The following SYNPO2 variants were observed in gnomAD, a reference collection of about 807,000 sequenced individuals.
SYNPO2 encodes synaptopodin-2.
A neutral mutation model predicts 85.0 loss-of-function variants in SYNPO2; 56 were observed. The ratio of observed to expected loss-of-function variants is 0.66; its 90% CI spans 0.53 to 0.82. SYNPO2 has a LOEUF of 0.82. Among genes scored for constraint, SYNPO2 ranks in the 40% least tolerant of loss-of-function variants. SYNPO2 has a pLI of 0.00. For missense variants in SYNPO2, 1,575 were observed against 1,534.2 expected, an observed-to-expected ratio of 1.03 and a Z score of -0.44; for synonymous variants, 602 against 591.1, an observed-to-expected ratio of 1.02 and a Z score of -0.27.
At chr4:119,046,787 A>G (rs910772823) in intron 4 of SYNPO2, among the ~76,000 whole-genome samples, 1 of 152,246 alleles carries the variant, frequency 6.6e-6, no homozygotes, top group African/African-American at 2.4e-5. Context: ...TTTCAGGTCA[A>G]TGTGACATCC....
At chr4:118,902,203 T>C (rs1333462727) in intron 1 of SYNPO2, among the ~76,000 whole-genome samples, 1 of 152,180 alleles carries the variant, frequency 6.6e-6, no homozygotes, top group African/African-American at 2.4e-5. Flanking sequence ...AAGAACAACT[T>C]TGCAATGTGG....
intron 1 of SYNPO2, among the ~76,000 whole-genome samples, chr4:119,012,330 T>C (rs2149179535): frequency 6.6e-6 from 1 of 152,172 alleles, no homozygotes; most frequent in East Asian, 1.9e-4. Flanking sequence ...TTGTTGGTTT[T>C]AGTCTTGCTC....
Position 119,011,279 on chromosome 4 carries a change from G to A in SYNPO2, c.106-12151G>A, listed in dbSNP as rs372416933. 4.2e-3 allele frequency among the ~76,000 whole-genome samples: 644 copies of A among 152,266 alleles called. 4 individuals carry two copies. The highest frequency in any genetic ancestry group is 0.015 in the African/African-American group (613 of 41,542). ...CCTGGGGTAGTGCCTCTGCTCCAGCGCCTCACTCTACTTCGATGCATATGT... is the reference window on the plus strand; with the variant it reads ...CCTGGGGTAGTGCCTCTGCTCCAGCACCTCACTCTACTTCGATGCATATGT... On this transcript the variant is annotated intron_variant, in intron 1 of 4. Coordinates refer to ENST00000307142, the MANE Select transcript of SYNPO2 (RefSeq NM_133477.3).
intron 1 of SYNPO2, among the ~76,000 whole-genome samples, chr4:118,857,107 A>C (rs949641120): frequency 6.6e-6 from 1 of 152,134 alleles, no homozygotes; most frequent in Admixed American, 6.5e-5. Context: ...TTATATGATG[A>C]TAGTGTATTA....
intron 1 of SYNPO2, among the ~76,000 whole-genome samples, chr4:119,019,290 A>G (rs1001651278): frequency 1.3e-5 from 2 of 152,210 alleles, no homozygotes; most frequent in African/African-American, 4.8e-5. Context: ...TGACATTACC[A>G]ATATCTCTTA....
At chr4:118,893,038 G>GT (rs1339938967) in intron 1 of SYNPO2, among the ~76,000 whole-genome samples, 27 of 152,198 alleles carry the variant, frequency 1.8e-4, no homozygotes, top group Middle Eastern at 3.4e-3. Context: ...GGGGGAAAAA[G>GT]ATTTTAATGT....
intron 1 of SYNPO2, among the ~76,000 whole-genome samples, chr4:119,010,269 C>G (rs1031476925): frequency 6.6e-6 from 1 of 152,044 alleles, no homozygotes; most frequent in Admixed American, 6.6e-5. Context: ...AAGACATACC[C>G]GAGACTGGGA....
At chr4:118,955,859 G>A (rs533262040) in intron 1 of SYNPO2, among the ~76,000 whole-genome samples, 206 of 152,234 alleles carry the variant, frequency 1.4e-3, no homozygotes, top group African/African-American at 4.6e-3. Context: ...TCTGGCAACC[G>A]AGTGCAAGAG....
intron 1 of SYNPO2, among the ~76,000 whole-genome samples, chr4:118,969,046 A>T (rs774399805): frequency 2.6e-5 from 4 of 152,250 alleles, no homozygotes; most frequent in Non-Finnish European, 5.9e-5. Flanking sequence ...GAGCAAGTCC[A>T]GGAGTCTTTC....
chr4:118,926,357 T>C (rs952276496), intron 1 of SYNPO2, among the ~76,000 whole-genome samples: 1 of 152,208 alleles, frequency 6.6e-6, no homozygotes, highest in Non-Finnish European at 1.5e-5. Flanking sequence ...TGTATGGAGC[T>C]GCTGGGAAGC....
intron 1 of SYNPO2, among the ~76,000 whole-genome samples, chr4:118,902,677 T>C (rs1406444770): frequency 6.6e-6 from 1 of 152,208 alleles, no homozygotes; most frequent in South Asian, 2.1e-4. Flanking sequence ...ACCTCTTATG[T>C]AACAATTCTG....
intron 1 of SYNPO2, among the ~76,000 whole-genome samples, chr4:119,012,513 G>A (rs1049910676): frequency 2.6e-5 from 4 of 151,716 alleles, no homozygotes; most frequent in African/African-American, 9.7e-5. Flanking sequence ...AGCCCTGCAT[G>A]GATTAGGTAT....
intron 1 of SYNPO2, among the ~76,000 whole-genome samples, chr4:118,903,719 A>AT (rs11452956): frequency 0.5 from 74,199 of 148,298 alleles, 19,062 homozygotes; most frequent in South Asian, 0.64. Flanking sequence ...AAATGGTACA[A>AT]TTTTTTTTTT....
At chr4:118,927,784 A>T (rs541432077) in intron 1 of SYNPO2, among the ~76,000 whole-genome samples, 109 of 141,046 alleles carry the variant, frequency 7.7e-4, no homozygotes, top group African/African-American at 2.6e-3. Flanking sequence ...GATGATAGAT[A>T]GATAGATAGA....
At chr4:118,964,069 C>A (rs979678866) in intron 1 of SYNPO2, among the ~76,000 whole-genome samples, 3 of 152,142 alleles carry the variant, frequency 2.0e-5, no homozygotes, top group Non-Finnish European at 2.9e-5. Flanking sequence ...ATCCACCAGG[C>A]TTTTCACTCC....
chr4:119,044,136 TG>T (rs1738806341), intron 4 of SYNPO2, among the ~76,000 whole-genome samples: 1 of 152,186 alleles, frequency 6.6e-6, no homozygotes, highest in African/African-American at 2.4e-5. Context: ...GTGTTTTCAA[TG>T]GAAGTAAATG....
chr4:118,900,154 T>C (rs1443096046), intron 1 of SYNPO2, among the ~76,000 whole-genome samples: 1 of 152,254 alleles, frequency 6.6e-6, no homozygotes, highest in African/African-American at 2.4e-5. Context: ...GAATAATAAA[T>C]TTAAATAATT....
intron 1 of SYNPO2, among the ~76,000 whole-genome samples, chr4:118,899,982 G>A (rs938658105): frequency 1.3e-5 from 2 of 152,064 alleles, no homozygotes; most frequent in African/African-American, 4.8e-5. Flanking sequence ...GGCTGGCCTG[G>A]AACTCCTGAC....
chr4:118,981,830 A>G (rs1026432520), intron 1 of SYNPO2, among the ~76,000 whole-genome samples: 1 of 152,170 alleles, frequency 6.6e-6, no homozygotes, highest in Non-Finnish European at 1.5e-5. Flanking sequence ...GTACCTCATA[A>G]TTATTGTGCC....
Sources: allele counts gnomAD v4.1 joint callset (sites outside exome capture counted in the v4.1 genomes callset), GRCh38; gene constraint gnomAD v4.1.1; transcripts MANE v1.5; gene names NCBI Gene and HGNC (gene_info 2026-07-23, HGNC 2026-07-21).